Variants in HERC1 observed in about 807,000 individuals in gnomAD.
HERC1 encodes the protein probable E3 ubiquitin-protein ligase HERC1.
HERC1 carries 160 observed loss-of-function variants against 554.3 expected under a neutral mutation model. That is an observed-to-expected ratio of 0.29 (90% CI 0.25 to 0.33). The LOEUF is 0.33. Among genes scored for constraint, HERC1 ranks in the 10% least tolerant of loss-of-function variants. The pLI is 1.00. For missense variants in HERC1, 4,919 were observed against 5,918.5 expected (o/e 0.83, Z 5.54); for synonymous variants, 2,175 against 2,131.7 (o/e 1.02, Z -0.56).
At chr15:63,824,087 G>C (rs543591983) in intron 1 of HERC1, among the ~76,000 whole-genome samples, 3 of 152,092 alleles carry the variant, frequency 2.0e-5, no homozygotes, top group Non-Finnish European at 4.4e-5. Context: ...AAACCACAAT[G>C]AGGTATCACC....
At chr15:63,630,670 T>G in intron 68 of HERC1, 35 bp from the exon 69 acceptor site, 1 of 1,592,456 alleles carries the variant, frequency 6.3e-7, no homozygotes, top group Non-Finnish European at 8.6e-7. Flanking sequence ...GTGGAAATGT[T>G]ATGCACCACA....
At chr15:63,737,627 G>A (rs776877623) in intron 12 of HERC1, among the ~76,000 whole-genome samples, 124 of 145,622 alleles carry the variant, frequency 8.5e-4, no homozygotes, top group Non-Finnish European at 1.5e-3. Flanking sequence ...TGGTCCGCCC[G>A]CCTCGGCCTC....
rs2067626073 is a variant in HERC1 at position 63,612,101 on chromosome 15, C to A, written c.14400+150G>T. The A allele has an allele frequency of 2.9e-6, 2 of 682,304 alleles. No homozygotes were observed. The highest frequency in any genetic ancestry group is 5.9e-5 in the Admixed American group (2 of 33,748). The allele number at this position is 682,304 out of a possible 1,614,324, so 42.3% of individuals were successfully genotyped here. A position where few individuals can be genotyped will look rare whatever the true frequency, so the allele number is the denominator to read the frequency against. On this transcript the variant is annotated intron_variant, in intron 77 of 77. Transcript: ENST00000443617. This position sits in a 1 kb window ranked among gnomAD's most constrained non-coding sequence, Gnocchi z 5.0. ...TACTGCGGAGGCTGAGGCAGGAGAA[C>A]TGCTTGAAGCTAGGAAGCGGAGGTT...
intron 31 of HERC1, among the ~76,000 whole-genome samples, chr15:63,691,392 G>T (rs146094675): frequency 0.013 from 1,938 of 152,114 alleles, 22 homozygotes; most frequent in East Asian, 0.023. Flanking sequence ...CTTGAGCCTG[G>T]AAGTGAGAGG....
chr15:63,620,845 G>T (rs954869641), intron 74 of HERC1, among the ~76,000 whole-genome samples: 1 of 152,032 alleles, frequency 6.6e-6, no homozygotes, highest in African/African-American at 2.4e-5. Context: ...CCATTTGCTT[G>T]GTAGATCTTC....
chr15:63,685,171 T>C (rs569801972), intron 34 of HERC1, among the ~76,000 whole-genome samples: 2 of 152,274 alleles, frequency 1.3e-5, no homozygotes, highest in Admixed American at 1.3e-4. Flanking sequence ...CACCTCGAGA[T>C]GTCATCCACA....
At chr15:63,820,947 C>A (rs545160820) in intron 1 of HERC1, among the ~76,000 whole-genome samples, 4 of 152,180 alleles carry the variant, frequency 2.6e-5, no homozygotes, top group Admixed American at 6.5e-5. Context: ...ACACTTGCAA[C>A]CAGAACAAGA....
intron 70 of HERC1, among the ~76,000 whole-genome samples, chr15:63,626,923 T>C (rs1442181115): frequency 6.6e-6 from 1 of 152,206 alleles, no homozygotes; most frequent in Non-Finnish European, 1.5e-5. Flanking sequence ...CTCTTTGCAG[T>C]AGGTGCTATT....
Position 63,718,813 on chromosome 15 carries a change from T to G in HERC1, c.3827A>C (p.Asn1276Thr). ...TTCTCCACATGCTTGACTAAGTAAA[T>G]TTGTGTGTTTCAGAAGAGCTGCAAG... ...FVLAALLKHT[N>T]LLSQACGESR... is the part of the protein sequence containing the mutation. The change falls in exon 20 of 78, where the codon AAT (asparagine) becomes ACT (threonine). Residue 1276 changes from asparagine to threonine, a missense_variant. Coordinates refer to ENST00000443617, the MANE Select transcript of HERC1 (RefSeq NM_003922.4). This position sits in a 1 kb window ranked among gnomAD's most constrained non-coding sequence, Gnocchi z 4.2. The G allele has an allele frequency of 6.2e-7, 1 of 1,613,672 alleles. No individual in the cohort carries two copies. Among genetic ancestry groups the G allele is most frequent in the Non-Finnish European group, 8.5e-7 (1 of 1,179,666 alleles).
chr15:63,746,730 T>A (rs1023332602), intron 12 of HERC1, among the ~76,000 whole-genome samples, 188 bp downstream of exon 12: 2 of 152,232 alleles, frequency 1.3e-5, no homozygotes, highest in African/African-American at 4.8e-5. Flanking sequence ...ATAAAAAGTT[T>A]ATCAGAGATG....
chr15:63,671,019 T>C (rs2070884339), intron 39 of HERC1, among the ~76,000 whole-genome samples: 1 of 151,986 alleles, frequency 6.6e-6, no homozygotes, highest in Non-Finnish European at 1.5e-5. Context: ...CTGACCAGCA[T>C]GGAGAAACCC....
chr15:63,682,852 A>G (rs1249751218), intron 34 of HERC1, among the ~76,000 whole-genome samples: 2 of 152,038 alleles, frequency 1.3e-5, no homozygotes, highest in African/African-American at 4.8e-5. Context: ...AAAAGATGCA[A>G]AGGCTGGGCA....
chr15:63,742,990 C>T (rs538592792), intron 12 of HERC1, among the ~76,000 whole-genome samples: 2 of 152,232 alleles, frequency 1.3e-5, no homozygotes, highest in Admixed American at 6.5e-5. Flanking sequence ...ACTGGCCTCA[C>T]AAAATATAGT....
At chr15:63,688,397 T>A (rs1318927021) in intron 33 of HERC1, among the ~76,000 whole-genome samples, 2 of 152,164 alleles carry the variant, frequency 1.3e-5, no homozygotes, top group Non-Finnish European at 2.9e-5. Flanking sequence ...AGATGCCTAT[T>A]AGACATTTAA....
intron 4 of HERC1, among the ~76,000 whole-genome samples, chr15:63,757,297 C>T (rs528400133): frequency 2.3e-4 from 30 of 130,126 alleles, no homozygotes; most frequent in Admixed American, 6.3e-4. Flanking sequence ...CAGAGTCTCG[C>T]TCTGTCACCT....
intron 1 of HERC1, among the ~76,000 whole-genome samples, chr15:63,824,376 A>T (rs1399331504): frequency 6.6e-6 from 1 of 151,972 alleles, no homozygotes; most frequent in Non-Finnish European, 1.5e-5. Flanking sequence ...TACTAAAAAT[A>T]CAAAAAAATT....
At position 63,638,439 on chromosome 15, in the gene HERC1, G is replaced by A. The variant is rs776275625; in HGVS notation, c.12065C>T (p.Ala4022Val). The A allele has an allele frequency of 2.5e-6, 4 of 1,613,794 alleles. No individual in the cohort carries two copies. The highest frequency in any genetic ancestry group is 3.4e-6 in the Non-Finnish European group (4 of 1,179,764). Residue 4022 changes from alanine to valine, a missense_variant, in exon 63 of 78, where the codon GCA (alanine) becomes GTA (valine). Around this residue, in one of 11 missense-constraint regions of HERC1, gnomAD observed 122 missense variants for 195.2 expected, o/e 0.63. Transcript: ENST00000443617. ...EAGRNVMVPA[A>V]APSFSQAQQV... ...TTGGGCCTGTGAGAATGAGGGAGCT[G>A]CTGCAGGTACCATTACATTTCTTCC...
intron 1 of HERC1, among the ~76,000 whole-genome samples, chr15:63,805,775 C>T (rs1203920710): frequency 1.3e-5 from 2 of 151,842 alleles, no homozygotes; most frequent in South Asian, 2.1e-4. Flanking sequence ...AGGGAGACCC[C>T]ATTTCTACAA....
At chr15:63,624,033 A>C in intron 72 of HERC1, 125 bp downstream of exon 72, 1 of 1,224,000 alleles carries the variant, frequency 8.2e-7, no homozygotes, top group Non-Finnish European at 1.2e-6. Context: ...ACCAGGTACT[A>C]ATGTAAGTAC....
Sources: allele counts gnomAD v4.1 joint callset (sites outside exome capture counted in the v4.1 genomes callset), GRCh38; gene constraint gnomAD v4.1.1; regional missense constraint gnomAD v4.1.1; non-coding constraint Gnocchi (gnomAD v3.1); transcripts MANE v1.5; gene names NCBI Gene and HGNC (gene_info 2026-07-23, HGNC 2026-07-21).